KHDRBS3: variants seen among roughly 807,000 people sequenced by gnomAD.
KHDRBS3 encodes the protein KH domain-containing, RNA-binding, signal transduction-associated protein 3.
Under a neutral mutation model 45.6 loss-of-function variants are expected in KHDRBS3, and 23 were observed. That is an observed-to-expected ratio of 0.50 (90% CI 0.36 to 0.72). The LOEUF (loss-of-function observed/expected upper bound fraction) is 0.72, where lower values mean the gene tolerates loss of function less well. KHDRBS3 is among the 30% of genes least tolerant of loss of function. KHDRBS3 has a pLI of 0.00. For synonymous variants in KHDRBS3, 162 were observed against 156.5 expected (o/e 1.04, Z -0.26); for missense variants, 352 against 424.8 (o/e 0.83, Z 1.51).
chr8:135,606,510 GAA>G (rs1345927111), intron 6 of KHDRBS3, among the ~76,000 whole-genome samples: 1 of 152,132 alleles, frequency 6.6e-6, no homozygotes, highest in East Asian at 1.9e-4. Flanking sequence ...CGTTTTGTCA[GAA>G]CTCCAGCCTT....
chr8:135,542,529 G>A, intron 2 of KHDRBS3, 125 bp from the exon 3 acceptor site: 1 of 654,636 alleles, frequency 1.5e-6, no homozygotes, highest in East Asian at 2.6e-5. Flanking sequence ...AATGCATGTA[G>A]CAGGAGCTTA....
rs1025158247 is a variant in KHDRBS3 at position 135,612,786 on chromosome 8, C to A, written c.890+5749C>A. Among the ~76,000 whole-genome samples, 4 of 151,722 alleles carry A rather than the reference C, an allele frequency of 2.6e-5. 1 individual carries two copies. Among genetic ancestry groups the A allele is most frequent in the African/African-American group, 9.7e-5 (4 of 41,060 alleles). ...AAAGCTGCTCAGTCCCCCATGGCAGCCACTAGACATGGAGCTGTGGACCCT... is the reference window on the plus strand; with the variant it reads ...AAAGCTGCTCAGTCCCCCATGGCAGACACTAGACATGGAGCTGTGGACCCT... On this transcript the variant is annotated intron_variant, in intron 7 of 8. Transcript: ENST00000355849.
At chr8:135,525,703 A>G (rs549358480) in intron 2 of KHDRBS3, among the ~76,000 whole-genome samples, 4 of 152,338 alleles carry the variant, frequency 2.6e-5, no homozygotes, top group Non-Finnish European at 5.9e-5. Flanking sequence ...CATTACTCAA[A>G]CAAAACATGA....
At position 135,518,321 on chromosome 8, in the gene KHDRBS3, T is replaced by C. The variant is rs540099422; in HGVS notation, c.89-2916T>C. ...CCCCAGTAGCTGGACTACAGGCGCC[T>C]GCCACCACGTCCAGCTAATTTTTTG... is the stretch of plus-strand genomic sequence containing the variant. On this transcript the variant is annotated intron_variant, in intron 1 of 8. Transcript: ENST00000355849. Among the ~76,000 whole-genome samples the C allele has an allele frequency of 6.9e-4, 105 of 152,160 alleles. 2 individuals carry two copies. The South Asian group carries it at 0.021, about 30-fold the overall frequency.
chr8:135,599,273 C>A (rs1259207276), intron 6 of KHDRBS3, among the ~76,000 whole-genome samples: 1 of 152,206 alleles, frequency 6.6e-6, no homozygotes, highest in Admixed American at 6.5e-5. Flanking sequence ...ATAAGCAAGT[C>A]TTTTTAATGA....
intron 2 of KHDRBS3, chr8:135,539,706 G>C (rs568191752): frequency 8.5e-5 from 13 of 152,224 alleles, no homozygotes; most frequent in African/African-American, 3.1e-4. Flanking sequence ...GACTCAGGAG[G>C]GTTAATTTGA....
intron 7 of KHDRBS3, among the ~76,000 whole-genome samples, chr8:135,626,270 C>G (rs562526915): frequency 1.3e-5 from 2 of 152,276 alleles, no homozygotes; most frequent in South Asian, 4.1e-4. Context: ...ATCCTAAAGT[C>G]TAATTTCTGA....
chr8:135,457,963 C>T lies in KHDRBS3; in HGVS notation c.88+9C>T. ...GCGCCTGGTGAACCAAGGTGAGGCG[C>T]CGGCCGTTAACTGCCGGCCGGCGGC... On this transcript the variant is annotated intron_variant, in intron 1 of 8. Coordinates refer to ENST00000355849, the MANE Select transcript of KHDRBS3 (RefSeq NM_006558.3). The surrounding 1 kb of genome is among the most constrained non-coding windows in gnomAD (Gnocchi z 4.4). 1.3e-6 allele frequency: 2 copies of T among 1,585,636 alleles called. No homozygotes were observed. Among genetic ancestry groups the T allele is most frequent in the Non-Finnish European group, 1.7e-6 (2 of 1,167,100 alleles).
intron 7 of KHDRBS3, among the ~76,000 whole-genome samples, chr8:135,637,857 A>G (rs1290282381): frequency 1.3e-5 from 2 of 152,224 alleles, no homozygotes; most frequent in Non-Finnish European, 2.9e-5. Context: ...TTTGAGAATT[A>G]AAAGATTATC....
At chr8:135,651,156 A>G (rs1300747597), downstream of KHDRBS3, among the ~76,000 whole-genome samples, 1 of 152,084 alleles carries the variant, frequency 6.6e-6, no homozygotes, top group Non-Finnish European at 1.5e-5. Flanking sequence ...AGATAACCAC[A>G]CAGGGCAGGT....
At chr8:135,532,510 G>A (rs1825528967) in intron 2 of KHDRBS3, among the ~76,000 whole-genome samples, 1 of 152,160 alleles carries the variant, frequency 6.6e-6, no homozygotes, top group Non-Finnish European at 1.5e-5. Context: ...TGGGTGCTGG[G>A]AAAATACAGT....
At chr8:135,650,323 G>C (rs1052366001), downstream of KHDRBS3, among the ~76,000 whole-genome samples, 1 of 152,156 alleles carries the variant, frequency 6.6e-6, no homozygotes, top group African/African-American at 2.4e-5. Context: ...TCTCTTCCAT[G>C]ATGTCCTCAC....
chr8:135,464,910 G>A (rs896494373), intron 1 of KHDRBS3, among the ~76,000 whole-genome samples: 1 of 152,198 alleles, frequency 6.6e-6, no homozygotes, highest in African/African-American at 2.4e-5. Flanking sequence ...TCAGATAGAG[G>A]TGGAAGCTTT....
At chr8:135,467,559 A>G (rs1179597967) in intron 1 of KHDRBS3, among the ~76,000 whole-genome samples, 1 of 152,264 alleles carries the variant, frequency 6.6e-6, no homozygotes, top group Admixed American at 6.5e-5. Flanking sequence ...GGAAAACTAT[A>G]CAAAAACTAT....
chr8:135,630,127 G>A (rs13259132), intron 7 of KHDRBS3, among the ~76,000 whole-genome samples: 30,900 of 152,114 alleles, frequency 0.2, 3,695 homozygotes, highest in Middle Eastern at 0.28. Context: ...AGAGAACCTG[G>A]AACAAGTAAT....
At chr8:135,511,057 A>G (rs188016722) in intron 1 of KHDRBS3, among the ~76,000 whole-genome samples, 33 of 152,322 alleles carry the variant, frequency 2.2e-4, no homozygotes, top group Non-Finnish European at 5.9e-5. Flanking sequence ...AGTTTCCCCA[A>G]AATGTAATAA....
intron 1 of KHDRBS3, among the ~76,000 whole-genome samples, chr8:135,492,308 G>C (rs946378258): frequency 6.6e-6 from 1 of 151,940 alleles, no homozygotes; most frequent in Admixed American, 6.6e-5. Context: ...ATCTTAAAAT[G>C]CATTTCACAT....
intron 1 of KHDRBS3, among the ~76,000 whole-genome samples, chr8:135,471,463 C>A (rs1822010303): frequency 6.6e-6 from 1 of 152,210 alleles, no homozygotes; most frequent in South Asian, 2.1e-4. Context: ...GGATGCAGAG[C>A]AAGCTAATAC....
intron 2 of KHDRBS3, among the ~76,000 whole-genome samples, chr8:135,527,090 T>G (rs1283795391): frequency 6.6e-6 from 1 of 152,176 alleles, no homozygotes; most frequent in Non-Finnish European, 1.5e-5. Context: ...TATTTTTTTA[T>G]TCATTGGTTC....
Sources: gnomAD v4.1 joint callset for allele counts (sites outside exome capture counted in the v4.1 genomes callset) on GRCh38, gnomAD v4.1.1 for gene constraint, Gnocchi (gnomAD v3.1) non-coding constraint, MANE v1.5 for transcripts, NCBI Gene and HGNC (gene_info 2026-07-23, HGNC 2026-07-21) for gene names.